The following PSD2 variants were observed in gnomAD, a reference collection of about 807,000 sequenced individuals.
The protein encoded by PSD2 is PH and SEC7 domain-containing protein 2.
A neutral mutation model predicts 69.8 loss-of-function variants in PSD2; 38 were observed. The ratio of observed to expected loss-of-function variants is 0.54; its 90% CI spans 0.42 to 0.71. The LOEUF (loss-of-function observed/expected upper bound fraction) is 0.71, where lower values mean the gene tolerates loss of function less well. Ranked by LOEUF, PSD2 falls within the 30% of genes least tolerant of loss-of-function variation. The pLI is 0.00. For missense variants in PSD2, 943 were observed against 1,014.5 expected (o/e 0.93, Z 0.96); for synonymous variants, 412 against 423.0 (o/e 0.97, Z 0.32).
Position 139,837,590 on chromosome 5 carries a change from CAGT to C in PSD2, c.1666-34_1666-32del. On this transcript the variant is annotated intron_variant, in intron 11 of 14. Transcript: ENST00000274710. This position sits in a 1 kb window ranked among gnomAD's most constrained non-coding sequence, Gnocchi z 5.0. ...GGAGGGGAGAGTGGAAGGTGTGGGTCAGTGACCCTAGCTCGCCCATCCTGCCCC... is the reference window on the plus strand; with the variant it reads ...GGAGGGGAGAGTGGAAGGTGTGGGTCGACCCTAGCTCGCCCATCCTGCCCC... 6.4e-7 allele frequency: 1 copy of C among 1,568,146 alleles called. No individual in the cohort carries two copies. Among genetic ancestry groups the C allele is most frequent in the Non-Finnish European group, 8.7e-7 (1 of 1,150,360 alleles).
the PSD2 span, among the ~76,000 whole-genome samples, chr5:139,788,595 C>T: frequency 6.6e-6 from 1 of 152,342 alleles, no homozygotes; most frequent in East Asian, 1.9e-4. Context: ...TCCGGAAGCG[C>T]GGGCTGCCCA....
At chr5:139,771,648 G>A in the PSD2 span, among the ~76,000 whole-genome samples, 3 of 152,276 alleles carry the variant, frequency 2.0e-5, no homozygotes, top group Middle Eastern at 3.4e-3. Context: ...AAAGTGCTGG[G>A]ATTACAGTCT....
chr5:139,809,329 T>A, intron 1 of PSD2, 62 bp from the exon 2 acceptor site: 1 of 1,337,026 alleles, frequency 7.5e-7, no homozygotes, highest in Middle Eastern at 2.6e-4. Flanking sequence ...TCTGCTGGAC[T>A]TTAGGTGCCC....
intron 6 of PSD2, 24 bp downstream of exon 6, chr5:139,822,029 C>A: frequency 6.7e-7 from 1 of 1,482,872 alleles, no homozygotes; most frequent in Non-Finnish European, 9.3e-7. Flanking sequence ...CCCACTCTGC[C>A]TGACCCTCCC....
rs1257939918 is a variant in PSD2, at chr5:139,822,705, G to A, written c.1211-21G>A. On this transcript the variant is annotated intron_variant, in intron 6 of 14. Transcript: ENST00000274710. ...AAGAGGTTGGATCCTCGCACTGAGA[G>A]TGCCACCATCTCTGACTCAGATGGG... 4 of 1,605,406 alleles carry A rather than the reference G, an allele frequency of 2.5e-6. 1 individual carries two copies. The South Asian group carries it at 3.3e-5, about 13-fold the overall frequency.
At chr5:139,747,873 G>C in the PSD2 span, among the ~76,000 whole-genome samples, 19 of 152,304 alleles carry the variant, frequency 1.2e-4, no homozygotes, top group East Asian at 3.7e-3. This position sits in a 1 kb window ranked among gnomAD's most constrained non-coding sequence, Gnocchi z 6.7. Flanking sequence ...AGCGCGGTGC[G>C]CGGGGCTGGC....
the PSD2 span, among the ~76,000 whole-genome samples, chr5:139,765,147 C>G: frequency 6.6e-6 from 1 of 152,110 alleles, no homozygotes; most frequent in Non-Finnish European, 1.5e-5. Flanking sequence ...TTCCGTGACC[C>G]TCCCACCCCT....
the PSD2 span, among the ~76,000 whole-genome samples, chr5:139,766,882 TCTTTC>T: frequency 6.6e-6 from 1 of 150,492 alleles, no homozygotes; most frequent in Non-Finnish European, 1.5e-5. Flanking sequence ...TTTCTTTCTT[TCTTTC>T]CTTCTTTCCC....
Position 139,838,876 on chromosome 5 carries a change from C to T in PSD2, c.1968+104C>T, listed in dbSNP as rs186539210. 3.4e-4 allele frequency: 440 copies of T among 1,301,974 alleles called. 4 individuals are homozygous for T. In the African/African-American group the frequency reaches 6.0e-3, roughly 18 times the overall value. 80.7% of individuals were successfully genotyped at this position (1,301,974 alleles called of 1,614,324 possible). ...AGCTCTGTCTCTAGGCTGGGTGATC[C>T]TGGGCTGAAGGACACCAGAGAAGGA... On this transcript the variant is annotated intron_variant, in intron 13 of 14. Transcript: ENST00000274710.
rs375589186 is a variant in PSD2, at chr5:139,835,698, C to T, written c.1360-25C>T. ...TTCTTTGACCCTTCACCTGAATTCCCCCCTCTCTCTTTTCCCTCTCCCAGA... is the reference window on the plus strand; with the variant it reads ...TTCTTTGACCCTTCACCTGAATTCCTCCCTCTCTCTTTTCCCTCTCCCAGA... On this transcript the variant is annotated intron_variant, in intron 8 of 14. Transcript: ENST00000274710. 3 of 1,612,780 alleles carry T rather than the reference C, an allele frequency of 1.9e-6. No individual in the cohort carries two copies. In the African/African-American group the frequency reaches 4.0e-5, roughly 22 times the overall value.
At chr5:139,816,774 C>T (rs920586387) in intron 4 of PSD2, among the ~76,000 whole-genome samples, 1 of 152,214 alleles carries the variant, frequency 6.6e-6, no homozygotes, top group Admixed American at 6.5e-5. Context: ...GGCTCTGGGC[C>T]GGCCAGCTTG....
At chr5:139,771,889 C>A in the PSD2 span, among the ~76,000 whole-genome samples, 1 of 152,196 alleles carries the variant, frequency 6.6e-6, no homozygotes, top group Non-Finnish European at 1.5e-5. Context: ...CCAAGGACCA[C>A]GGTCCAACCC....
chr5:139,821,544 G>A (rs543159861), intron 5 of PSD2, among the ~76,000 whole-genome samples: 14 of 152,316 alleles, frequency 9.2e-5, no homozygotes, highest in Admixed American at 3.3e-4. Flanking sequence ...GACAGGGTCC[G>A]GCTGTAGGGG....
At chr5:139,801,388 A>T (rs1302517315) in intron 1 of PSD2, among the ~76,000 whole-genome samples, 1 of 152,034 alleles carries the variant, frequency 6.6e-6, no homozygotes, top group African/African-American at 2.4e-5. Flanking sequence ...CCAGTGGTCA[A>T]TTCTCAGTCT....
chr5:139,802,601 C>T (rs1309051922), intron 1 of PSD2, among the ~76,000 whole-genome samples: 3 of 152,014 alleles, frequency 2.0e-5, no homozygotes, highest in Admixed American at 6.6e-5. Context: ...ACTCTCTTGA[C>T]CAAGACAGCT....
At chr5:139,759,345 G>A in the PSD2 span, among the ~76,000 whole-genome samples, 4 of 151,890 alleles carry the variant, frequency 2.6e-5, no homozygotes, top group African/African-American at 7.3e-5. Context: ...GCGGCGCCTC[G>A]TTTCCCCCAC....
chr5:139,783,694 T>G, the PSD2 span, among the ~76,000 whole-genome samples: 1 of 151,990 alleles, frequency 6.6e-6, no homozygotes, highest in Non-Finnish European at 1.5e-5. Context: ...TCCCCAGTCT[T>G]TTCCACGAAA....
chr5:139,807,050 A>G (rs1366627718), intron 1 of PSD2, among the ~76,000 whole-genome samples: 1 of 152,226 alleles, frequency 6.6e-6, no homozygotes, highest in African/African-American at 2.4e-5. Context: ...AGGGGCTCCC[A>G]AGAGGTCCTC....
the PSD2 span, among the ~76,000 whole-genome samples, chr5:139,781,460 C>G: frequency 3.4e-5 from 5 of 148,910 alleles, no homozygotes; most frequent in South Asian, 2.1e-4. Flanking sequence ...CTCAGCCTCC[C>G]GAGTAGCTGG....
Sources: gnomAD v4.1 joint callset for allele counts (sites outside exome capture counted in the v4.1 genomes callset) on GRCh38, gnomAD v4.1.1 for gene constraint, Gnocchi (gnomAD v3.1) non-coding constraint, MANE v1.5 for transcripts, NCBI Gene and HGNC (gene_info 2026-07-23, HGNC 2026-07-21) for gene names.